The following PXDN variants were observed in gnomAD, a reference collection of about 807,000 sequenced individuals.
The protein encoded by PXDN is peroxidasin homolog.
In PXDN, 77 loss-of-function variants were observed where a neutral mutation model predicts 140.3. The ratio of observed to expected loss-of-function variants is 0.55; its 90% confidence interval spans 0.46 to 0.66. The LOEUF (loss-of-function observed/expected upper bound fraction) is 0.66. Among genes scored for constraint, PXDN ranks in the 30% least tolerant of loss-of-function variants. The pLI is 0.00. For missense variants in PXDN, 1,838 were observed against 2,039.5 expected, an observed-to-expected ratio of 0.90 and a Z score of 1.90; for synonymous variants, 911 against 857.4, an observed-to-expected ratio of 1.06 and a Z score of -1.09.
chr2:1,652,330 G>T (rs1683032865), intron 16 of PXDN, among the ~76,000 whole-genome samples: 1 of 152,098 alleles, frequency 6.6e-6, no homozygotes, highest in Non-Finnish European at 1.5e-5. Flanking sequence ...TTCATTCTCT[G>T]GAGAAGAGAA....
In PXDN at chr2:1,648,574, G is replaced by C. The variant is rs1181113673; in HGVS notation, c.3206C>G (p.Ala1069Gly). The C allele has an allele frequency of 6.2e-7, 1 of 1,613,682 alleles. No individual in the cohort carries two copies. Among genetic ancestry groups the C allele is most frequent in the African/African-American group, 1.3e-5 (1 of 74,936 alleles). ...AGIFNAFATA[A>G]FRFGHTLVNP... Reference sequence around the variant, plus strand: ...GACAAGCGTGTGGCCAAACCTGAAGGCCGCGGTGGCGAAGGCGTTGAAGAT... The same window carrying C: ...GACAAGCGTGTGGCCAAACCTGAAGCCCGCGGTGGCGAAGGCGTTGAAGAT... Residue 1069 changes from alanine (A) to glycine (G), a missense_variant, in exon 17 of 23, where the codon GCC (alanine) becomes GGC (glycine). Physicochemically the swap from Ala to Gly is moderately conservative, Grantham distance 60. Transcript: ENST00000252804. This position sits in a 1 kb window ranked among gnomAD's most constrained non-coding sequence, Gnocchi z 8.9.
chr2:1,709,424 G>A (rs1684700759), intron 1 of PXDN, among the ~76,000 whole-genome samples: 1 of 152,212 alleles, frequency 6.6e-6, no homozygotes, highest in Admixed American at 6.5e-5. Context: ...GACAGGGTGA[G>A]GAAAGGACCT....
At position 1,700,434 on chromosome 2, in the gene PXDN, T is replaced by C. The variant is rs181404770; in HGVS notation, c.201-7300A>G. Among the ~76,000 whole-genome samples the C allele has an allele frequency of 7.4e-4, 113 of 152,302 alleles. 1 individual carries two copies. The highest frequency in any genetic ancestry group is 2.6e-3 in the African/African-American group (107 of 41,558). ...GTTACCTAAGATTTTTGATCACATT[T>C]GGGTCACGATGTTAAAAATTATCTT... is the stretch of plus-strand genomic sequence containing the variant. On this transcript the variant is annotated intron_variant, in intron 1 of 22. Transcript: ENST00000252804.
intron 14 of PXDN, among the ~76,000 whole-genome samples, chr2:1,658,379 G>C (rs1683218153): frequency 6.6e-6 from 1 of 151,946 alleles, no homozygotes. Flanking sequence ...TTCCTCCCCA[G>C]CTGTCTCTGG....
chr2:1,712,374 T>C (rs1482405272), intron 1 of PXDN, among the ~76,000 whole-genome samples: 2 of 152,262 alleles, frequency 1.3e-5, no homozygotes, highest in African/African-American at 4.8e-5. Context: ...TAATGCATCA[T>C]GTCTTAAAAT....
chr2:1,682,024 C>T (rs1019059074), intron 6 of PXDN, among the ~76,000 whole-genome samples: 5 of 152,196 alleles, frequency 3.3e-5, no homozygotes, highest in African/African-American at 4.8e-5. Context: ...CAGGACACAG[C>T]GTGTTCTCTT....
intron 9 of PXDN, among the ~76,000 whole-genome samples, chr2:1,673,192 T>C (rs1683616582): frequency 6.6e-6 from 1 of 152,208 alleles, no homozygotes; most frequent in African/African-American, 2.4e-5. Flanking sequence ...GGTGCCATTA[T>C]CTTAAACATG....
At position 1,663,773 on chromosome 2, in the gene PXDN, C is replaced by T; in HGVS notation, c.1409-10G>A. ...ACGGAGAGCTGGCTCCCTGCAAGGG[C>T]ATGGGCCCGTTACACTGGACACTCG... On this transcript the variant is annotated splice_polypyrimidine_tract_variant and intron_variant, in intron 11 of 22. Transcript: ENST00000252804. 6.2e-7 allele frequency: 1 copy of T among 1,610,910 alleles called. No homozygotes were observed.
Position 1,687,208 on chromosome 2 carries a change from A to G in PXDN, c.416+424T>C, listed in dbSNP as rs1037596199. On this transcript the variant is annotated intron_variant, in intron 4 of 22. Coordinates refer to ENST00000252804, the MANE Select transcript of PXDN (RefSeq NM_012293.3). The surrounding 1 kb of genome is among the most constrained non-coding windows in gnomAD (Gnocchi z 4.0). ...AATTCAGCTTCATGTGTTCACAGTC[A>G]TAAGGAGGAACAGTGAACGAGGCAA... Among the ~76,000 whole-genome samples, 10 of 152,380 alleles carry G rather than the reference A, an allele frequency of 6.6e-5. No individual in the cohort carries two copies. The East Asian group carries it at 9.7e-4, about 15-fold the overall frequency.
intron 9 of PXDN, among the ~76,000 whole-genome samples, chr2:1,667,618 A>G (rs1284592133): frequency 6.6e-6 from 1 of 152,206 alleles, no homozygotes; most frequent in Non-Finnish European, 1.5e-5. Flanking sequence ...AGGGCACAAA[A>G]TCAATGTGCA....
rs556928727 is a variant in PXDN, at chr2:1,634,267, G to A, written c.4377C>T (p.Pro1459=). The part of the protein sequence containing the change: ...EACPPATCAV[P]VNIPGACCPV... ...GACAGCAGGCCCCTGGGATGTTCAC[G>A]GGGACAGCACAGGTGGCAGGGGGGC... The change falls in exon 23 of 23, where the codon CCC becomes CCT. Residue 1459 remains proline (P), a synonymous_variant. Coordinates refer to ENST00000252804, the MANE Select transcript of PXDN (RefSeq NM_012293.3). The A allele has an allele frequency of 2.5e-5, 40 of 1,608,166 alleles. No homozygotes were observed. The South Asian group carries it at 2.7e-4, about 11-fold the overall frequency.
intron 1 of PXDN, among the ~76,000 whole-genome samples, chr2:1,718,899 C>A (rs141503098): frequency 1.4e-3 from 212 of 152,364 alleles, no homozygotes; most frequent in African/African-American, 4.9e-3. Context: ...CAGCAACTTG[C>A]CACAACTCCA....
intron 1 of PXDN, among the ~76,000 whole-genome samples, chr2:1,713,739 C>T (rs1684835590): frequency 6.6e-6 from 1 of 152,236 alleles, no homozygotes. Flanking sequence ...CTGAGGGGCG[C>T]ACCTGAGGCC....
chr2:1,636,689 TGG>T (rs752683989), intron 21 of PXDN: 91,655 of 134,590 alleles, frequency 0.68, 31,759 homozygotes, highest in East Asian at 0.96. Flanking sequence ...GCTGAAACCA[TGG>T]GGGAAAAAAA....
chr2:1,649,825 G>A lies in PXDN; in HGVS notation c.2105-150C>T. On this transcript the variant is annotated intron_variant, in intron 16 of 22. Coordinates refer to ENST00000252804, the MANE Select transcript of PXDN (RefSeq NM_012293.3). The surrounding 1 kb of genome is among the most constrained non-coding windows in gnomAD (Gnocchi z 7.1). ...CGCCATGCAACAAGCGCTTCCTGCTGGAAACCTGCTCACCTCCTGTTTGGT... is the reference window on the plus strand; with the variant it reads ...CGCCATGCAACAAGCGCTTCCTGCTAGAAACCTGCTCACCTCCTGTTTGGT... 2.2e-6 allele frequency: 2 copies of A among 892,272 alleles called. No homozygotes were observed. Among genetic ancestry groups the A allele is most frequent in the Non-Finnish European group, 3.5e-6 (2 of 571,160 alleles). The allele number at this position is 892,272 out of a possible 1,614,324, so 55.3% of individuals were successfully genotyped here.
chr2:1,651,891 C>A lies in PXDN; in HGVS notation c.2104+1737G>T, dbSNP rs572456701. ...TCTTTGAGGGCAGAGGTTTTTATTT[C>A]TTCCGTTTGTGACTGTAGGCCCTGG... On this transcript the variant is annotated intron_variant, in intron 16 of 22. Transcript: ENST00000252804. The surrounding 1 kb of genome is among the most constrained non-coding windows in gnomAD (Gnocchi z 4.4). Among the ~76,000 whole-genome samples the A allele has an allele frequency of 1.7e-4, 26 of 152,322 alleles. No homozygotes were observed. The East Asian group carries it at 5.0e-3, about 29-fold the overall frequency.
At chr2:1,720,923 G>A (rs532171294) in intron 1 of PXDN, among the ~76,000 whole-genome samples, 3 of 152,236 alleles carry the variant, frequency 2.0e-5, no homozygotes, top group South Asian at 2.1e-4. Context: ...CTACAGCCCC[G>A]GGGAAGCATG....
chr2:1,709,397 T>C (rs772686882), intron 1 of PXDN, among the ~76,000 whole-genome samples: 27 of 152,224 alleles, frequency 1.8e-4, no homozygotes, highest in Non-Finnish European at 2.5e-4. Context: ...ATGGACACTG[T>C]GCACGGCCCC....
chr2:1,683,009 T>C (rs905635870), intron 6 of PXDN, among the ~76,000 whole-genome samples: 5 of 152,166 alleles, frequency 3.3e-5, no homozygotes, highest in Non-Finnish European at 7.3e-5. Flanking sequence ...CAGAGGTTCT[T>C]TCCACACTGG....
Sources: gnomAD v4.1 joint callset for allele counts (sites outside exome capture counted in the v4.1 genomes callset) on GRCh38, gnomAD v4.1.1 for gene constraint, Gnocchi (gnomAD v3.1) non-coding constraint, MANE v1.5 for transcripts, NCBI Gene and HGNC (gene_info 2026-07-23, HGNC 2026-07-21) for gene names.